Variants in LAMC2 observed in about 807,000 individuals in gnomAD.
The protein encoded by LAMC2 is laminin subunit gamma-2.
LAMC2 carries 97 observed loss-of-function variants against 140.2 expected under a neutral mutation model. That is an observed-to-expected ratio of 0.69 (90% confidence interval 0.59 to 0.82). The LOEUF (loss-of-function observed/expected upper bound fraction) is 0.82. LAMC2 is among the 40% of genes least tolerant of loss of function. LAMC2 has a pLI of 0.00. For synonymous variants in LAMC2, 513 were observed against 540.2 expected, an observed-to-expected ratio of 0.95 and a Z score of 0.70; for missense variants, 1,402 against 1,476.1, an observed-to-expected ratio of 0.95 and a Z score of 0.82.
rs190260642 is a variant in LAMC2 at position 183,208,764 on chromosome 1, C to T, written c.268+695C>T. Among the ~76,000 whole-genome samples the T allele has an allele frequency of 1.3e-4, 20 of 152,242 alleles. No homozygotes were observed. In the East Asian group the frequency reaches 2.7e-3, roughly 21 times the overall value. On this transcript the variant is annotated intron_variant, in intron 2 of 22. Transcript: ENST00000264144. ...GTGCCATCTCGGCTCACTGCAACCT[C>T]CGCCTCCTAGGTTCAAGCGATTCCC...
chr1:183,231,447 G>T (rs911158261), intron 12 of LAMC2, among the ~76,000 whole-genome samples: 1 of 152,140 alleles, frequency 6.6e-6, no homozygotes, highest in African/African-American at 2.4e-5. Flanking sequence ...AGTGATATGG[G>T]TAGGTGGAAC....
chr1:183,237,522 C>G lies in LAMC2; in HGVS notation c.2754+18C>G. The G allele has an allele frequency of 6.2e-7, 1 of 1,601,336 alleles. No homozygotes were observed. The highest frequency in any genetic ancestry group is 8.6e-7 in the Non-Finnish European group (1 of 1,169,256). On this transcript the variant is annotated intron_variant, in intron 18 of 22. Coordinates refer to ENST00000264144, the MANE Select transcript of LAMC2 (RefSeq NM_005562.3). ...GGAGAGAGGTATTCTTTTGTTAATT[C>G]ATTCACTCAATAAAGATGTATTGAA...
chr1:183,239,828 C>T (rs1264108839), intron 20 of LAMC2: 13 of 661,186 alleles, frequency 2.0e-5, no homozygotes, highest in African/African-American at 5.4e-5. Context: ...ACTGTCTGGC[C>T]GCTGACCTTC....
intron 2 of LAMC2, among the ~76,000 whole-genome samples, chr1:183,208,894 T>C (rs895222321): frequency 6.6e-6 from 1 of 152,066 alleles, no homozygotes; most frequent in African/African-American, 2.4e-5. Flanking sequence ...TTGGCCAGGC[T>C]GGTCTCGAGT....
chr1:183,227,501 TCTC>T lies in LAMC2; in HGVS notation c.1286-11_1286-9del, dbSNP rs764949742. 124 of 1,612,590 alleles carry T rather than the reference TCTC, an allele frequency of 7.7e-5. No homozygotes were observed. In the Admixed American group the frequency reaches 2.0e-3, roughly 26 times the overall value. ...GCTCACTTCTCTGCCCCTCCACTCT[TCTC>T]CTACCCCCAGGAGATTGTTATTCAG... On this transcript the variant is annotated splice_polypyrimidine_tract_variant and intron_variant, in intron 9 of 22. Transcript: ENST00000264144.
intron 1 of LAMC2, among the ~76,000 whole-genome samples, chr1:183,195,835 T>A (rs1466245595): frequency 7.3e-6 from 1 of 137,210 alleles, no homozygotes; most frequent in Non-Finnish European, 1.6e-5. Context: ...GATTTTGTTT[T>A]AAAATATCTG....
rs1659999057 is a variant in LAMC2, at chr1:183,237,401, T to G, written c.2651T>G (p.Leu884Arg). The change falls in exon 18 of 23, where the codon CTG (leucine) becomes CGG (arginine). Residue 884 changes from leucine to arginine, a missense_variant. Physicochemically the swap from Leu to Arg is moderately radical, Grantham distance 102. Coordinates refer to ENST00000264144, the MANE Select transcript of LAMC2 (RefSeq NM_005562.3). The part of the protein sequence containing the change: ...IKQKADSLSS[L>R]VTRHMDEFKR... The stretch of plus-strand genomic sequence containing the variant: ...CAAAAAGCGGATTCACTCTCAAGCC[T>G]GGTAACCAGGCATATGGATGAGTTC... 1 of 1,614,026 alleles carries G rather than the reference T, an allele frequency of 6.2e-7. No homozygotes were observed. The highest frequency in any genetic ancestry group is 8.5e-7 in the Non-Finnish European group (1 of 1,180,000).
At position 183,223,244 on chromosome 1, in the gene LAMC2, T is replaced by C. The variant is rs774388172; in HGVS notation, c.873T>C (p.Gly291=). The part of the protein sequence containing the change: ...HPSAHDVILE[G]AGLRITAPLM... ...CTGCCCATGATGTGATTCTGGAAGG[T>C]GCTGGTCTACGGATCACAGCTCCCT... The change falls in exon 7 of 23, where the codon GGT becomes GGC. Residue 291 remains glycine (G), a synonymous_variant. Coordinates refer to ENST00000264144, the MANE Select transcript of LAMC2 (RefSeq NM_005562.3). 6.2e-7 allele frequency: 1 copy of C among 1,614,190 alleles called. No individual in the cohort carries two copies. Among genetic ancestry groups the C allele is most frequent in the South Asian group, 1.1e-5 (1 of 91,084 alleles).
At position 183,243,204 on chromosome 1, in the gene LAMC2, G is replaced by A. The variant is rs1165647553; in HGVS notation, c.3386G>A (p.Arg1129Gln). The change falls in exon 23 of 23, where the codon CGA becomes CAA. Residue 1129 changes from arginine to glutamine, a missense_variant. Physicochemically the swap from Arg to Gln is conservative, Grantham distance 43. Transcript: ENST00000264144. The part of the protein sequence containing the change: ...GLVLLEQKLS[R>Q]AKTQINSQLR... Reference sequence around the variant, plus strand: ...GTCTTACTGGAGCAGAAGCTTTCCCGAGCCAAGACCCAGATCAACAGCCAA... The same window carrying A: ...GTCTTACTGGAGCAGAAGCTTTCCCAAGCCAAGACCCAGATCAACAGCCAA... The A allele has an allele frequency of 8.7e-6, 14 of 1,613,832 alleles. No homozygotes were observed. The highest frequency in any genetic ancestry group is 1.6e-4 in the Middle Eastern group (1 of 6,084).
rs202038614 is a variant in LAMC2, at chr1:183,232,717, C to A, written c.2080C>A (p.Arg694Ser). ...GAGCCAAGAGAACAGCTACCAGAGCCGCCTGGATGACCTCAAGATGACTGT... is the reference window on the plus strand; with the variant it reads ...GAGCCAAGAGAACAGCTACCAGAGCAGCCTGGATGACCTCAAGATGACTGT... ...VRSQENSYQS[R>S]LDDLKMTVER... is the part of the protein sequence containing the mutation. The change falls in exon 14 of 23, where the codon CGC (arginine) becomes AGC (serine). Residue 694 changes from arginine to serine, a missense_variant. By Grantham distance (110) the Arg-to-Ser change is moderately radical. This residue lies in a region of LAMC2 where 670 missense variants were observed against 667.2 expected (regional missense o/e 1.00). Transcript: ENST00000264144. 1 of 1,613,806 alleles carries A rather than the reference C, an allele frequency of 6.2e-7. No individual in the cohort carries two copies. The highest frequency in any genetic ancestry group is 8.5e-7 in the Non-Finnish European group (1 of 1,179,950).
the LAMC2 span, among the ~76,000 whole-genome samples, chr1:183,257,366 G>A: frequency 9.9e-5 from 15 of 152,112 alleles, no homozygotes; most frequent in South Asian, 2.1e-4. Flanking sequence ...ACTTGAACCC[G>A]GGACGCGGAG....
the LAMC2 span, chr1:183,250,554 G>A: frequency 6.6e-6 from 1 of 152,624 alleles, no homozygotes; most frequent in Non-Finnish European, 1.5e-5. Flanking sequence ...AGGGGTCAGG[G>A]AAACAATATG....
intron 2 of LAMC2, 115 bp downstream of exon 2, chr1:183,208,184 A>G: frequency 9.6e-7 from 1 of 1,046,016 alleles, no homozygotes; most frequent in African/African-American, 1.6e-5. Flanking sequence ...AAGAAAGAAA[A>G]CAGGGAAAGC....
At chr1:183,222,263 T>A (rs749022316) in intron 6 of LAMC2, 52 bp downstream of exon 6, 1 of 1,587,454 alleles carries the variant, frequency 6.3e-7, no homozygotes, top group East Asian at 2.2e-5. Context: ...GACTAGGAAG[T>A]CAAGATAGAG....
chr1:183,211,947 C>T (rs545880081), intron 2 of LAMC2, among the ~76,000 whole-genome samples: 29 of 152,116 alleles, frequency 1.9e-4, no homozygotes, highest in African/African-American at 6.3e-4. Context: ...TTCTTTAAAA[C>T]CAATTGTTCA....
Position 183,236,388 on chromosome 1 carries a change from CA to C in LAMC2, c.2457-54del, listed in dbSNP as rs34154823. On this transcript the variant is annotated intron_variant, in intron 16 of 22. Transcript: ENST00000264144. ...TGGACAACAGAGTGAAACCCTGTCT[CA>C]AAAAAAAAAAAAAAAAAGAATTCTC... is the stretch of plus-strand genomic sequence containing the variant. The C allele has an allele frequency of 0.23, 246,027 of 1,077,692 alleles. 6,758 individuals are homozygous for C. Among genetic ancestry groups the C allele is most frequent in the African/African-American group, 0.44 (22,914 of 52,436 alleles). 66.8% of individuals were successfully genotyped at this position (1,077,692 alleles called of 1,614,324 possible).
At chr1:183,245,877 A>C (rs1660231247), downstream of LAMC2, among the ~76,000 whole-genome samples, 1 of 152,208 alleles carries the variant, frequency 6.6e-6, no homozygotes, top group Admixed American at 6.5e-5. Flanking sequence ...ATTGTTTTAA[A>C]AGTCGTAAGA....
chr1:183,239,288 TACA>T, intron 19 of LAMC2, 73 bp from the exon 20 acceptor site: 2 of 1,326,588 alleles, frequency 1.5e-6, no homozygotes, highest in Non-Finnish European at 2.2e-6. Context: ...AATTTTTCTT[TACA>T]ACATCAGCCC....
At chr1:183,233,046 A>G (rs2102240715) in intron 14 of LAMC2, among the ~76,000 whole-genome samples, 189 bp downstream of exon 14, 1 of 152,122 alleles carries the variant, frequency 6.6e-6, no homozygotes, top group African/African-American at 2.4e-5. Flanking sequence ...GAAGTTTCCT[A>G]TTTTACTGCA....
Sources: allele counts gnomAD v4.1 joint callset (sites outside exome capture counted in the v4.1 genomes callset), GRCh38; gene constraint gnomAD v4.1.1; regional missense constraint gnomAD v4.1.1; transcripts MANE v1.5; gene names NCBI Gene and HGNC (gene_info 2026-07-23, HGNC 2026-07-21).